Variants in TBCA observed in about 807,000 individuals in gnomAD.
TBCA encodes the protein tubulin folding cofactor A, also known as tubulin-specific chaperone A.
TBCA carries 6 observed loss-of-function variants against 15.8 expected under a neutral mutation model. The ratio of observed to expected loss-of-function variants is 0.38; its 90% confidence interval spans 0.21 to 0.75. The LOEUF is 0.75. Among genes scored for constraint, TBCA ranks in the 30% least tolerant of loss-of-function variants. The pLI is 0.46. For synonymous variants in TBCA, 32 were observed against 42.3 expected (o/e 0.76, Z 0.94); for missense variants, 90 against 131.2 (o/e 0.69, Z 1.53).
intron 1 of TBCA, among the ~76,000 whole-genome samples, chr5:77,767,103 T>C (rs1475051353): frequency 2.0e-5 from 3 of 152,200 alleles, no homozygotes; most frequent in Admixed American, 6.5e-5. Context: ...GTAATGTAAG[T>C]TCAAATACAC....
Position 77,725,815 on chromosome 5 carries a change from G to C in TBCA, c.54-17468C>G, listed in dbSNP as rs562873647. On this transcript the variant is annotated intron_variant, in intron 1 of 3. Coordinates refer to ENST00000380377, the MANE Select transcript of TBCA (RefSeq NM_004607.3). Reference sequence around the variant, plus strand: ...AGTGTCTTAAGGCTCCTTGAGATGAGTTATATTGCAGATACAGTTGTGTTT... The same window carrying C: ...AGTGTCTTAAGGCTCCTTGAGATGACTTATATTGCAGATACAGTTGTGTTT... 2.8e-4 allele frequency among the ~76,000 whole-genome samples: 42 copies of C among 151,898 alleles called. 1 individual carries two copies. The South Asian group carries it at 7.2e-3, about 26-fold the overall frequency.
chr5:77,740,513 G>A (rs1291640937), intron 1 of TBCA, among the ~76,000 whole-genome samples: 4 of 152,200 alleles, frequency 2.6e-5, no homozygotes, highest in Non-Finnish European at 5.9e-5. Flanking sequence ...AGATAACTGG[G>A]TAGGTGGTAG....
chr5:77,738,390 A>G (rs1746958357), intron 1 of TBCA, among the ~76,000 whole-genome samples: 1 of 152,134 alleles, frequency 6.6e-6, no homozygotes, highest in Non-Finnish European at 1.5e-5. Context: ...TTGCCCCCTG[A>G]CCCTCAGTTT....
intron 1 of TBCA, among the ~76,000 whole-genome samples, chr5:77,747,126 TCATA>T (rs1019986491): frequency 1.1e-3 from 169 of 152,126 alleles, no homozygotes; most frequent in African/African-American, 4.0e-3. Context: ...TCCTCCTTCC[TCATA>T]CATACATACA....
chr5:77,754,409 G>A lies in TBCA; in HGVS notation c.53+21796C>T, dbSNP rs1046890847. On this transcript the variant is annotated intron_variant, in intron 1 of 3. Coordinates refer to ENST00000380377, the MANE Select transcript of TBCA (RefSeq NM_004607.3). ...TTTTTAGAATGTTTTCCTACAATGC[G>A]TTTTTTAAATTGAAAAATATCCAGA... 1.3e-3 allele frequency among the ~76,000 whole-genome samples: 203 copies of A among 152,112 alleles called. 4 individuals are homozygous for A. The highest frequency in any genetic ancestry group is 4.5e-3 in the African/African-American group (187 of 41,482).
chr5:77,763,221 G>A (rs895966891), intron 1 of TBCA, among the ~76,000 whole-genome samples: 2 of 152,048 alleles, frequency 1.3e-5, no homozygotes, highest in African/African-American at 4.8e-5. Context: ...TCCTGCCTGG[G>A]CGACAGAGCA....
intron 1 of TBCA, among the ~76,000 whole-genome samples, chr5:77,711,653 A>T (rs538030620): frequency 1.3e-5 from 2 of 152,330 alleles, no homozygotes; most frequent in African/African-American, 4.8e-5. Context: ...AAAATTGAGC[A>T]ATAAGAACAA....
At chr5:77,746,495 C>T (rs1747190389) in intron 1 of TBCA, among the ~76,000 whole-genome samples, 1 of 152,150 alleles carries the variant, frequency 6.6e-6, no homozygotes, top group Non-Finnish European at 1.5e-5. Context: ...CCTAGCAAAA[C>T]TGCAATGCCC....
intron 3 of TBCA, chr5:77,692,686 C>T (rs1745780898): frequency 1.0e-6 from 1 of 985,662 alleles, no homozygotes. Context: ...AATGATGCTT[C>T]CTGTCTTAGA....
At chr5:77,714,074 C>T (rs1486850902) in intron 1 of TBCA, among the ~76,000 whole-genome samples, 1 of 150,768 alleles carries the variant, frequency 6.6e-6, no homozygotes, top group Admixed American at 6.6e-5. Flanking sequence ...AATCCCAGCA[C>T]TTCTGGGAGG....
At chr5:77,726,230 G>A (rs985876182) in intron 1 of TBCA, among the ~76,000 whole-genome samples, 1 of 152,210 alleles carries the variant, frequency 6.6e-6, no homozygotes, top group Non-Finnish European at 1.5e-5. Context: ...AAAGGAAGCA[G>A]TGGCAATGCT....
At chr5:77,699,033 CAAAAAA>C (rs71608119) in intron 2 of TBCA, among the ~76,000 whole-genome samples, 63 of 70,082 alleles carry the variant, frequency 9.0e-4, no homozygotes, top group African/African-American at 2.4e-3. Flanking sequence ...GCAAGAGCAT[CAAAAAA>C]AAAAAAAAAA....
At chr5:77,771,444 CTT>C (rs1407230023) in intron 1 of TBCA, among the ~76,000 whole-genome samples, 3 of 152,174 alleles carry the variant, frequency 2.0e-5, no homozygotes, top group East Asian at 1.9e-4. Flanking sequence ...ACCTCTCTCT[CTT>C]GAAACTCACT....
At chr5:77,717,140 T>C (rs1746415814) in intron 1 of TBCA, among the ~76,000 whole-genome samples, 1 of 152,238 alleles carries the variant, frequency 6.6e-6, no homozygotes, top group Admixed American at 6.5e-5. Context: ...TCTTTGATGA[T>C]GGTACTGAAT....
At chr5:77,744,176 T>C (rs1268964314) in intron 1 of TBCA, among the ~76,000 whole-genome samples, 4 of 152,080 alleles carry the variant, frequency 2.6e-5, no homozygotes, top group Non-Finnish European at 4.4e-5. Context: ...CTCTATTCAA[T>C]CTCAAGATCC....
intron 1 of TBCA, among the ~76,000 whole-genome samples, chr5:77,721,909 T>C (rs1465664995): frequency 2.6e-5 from 4 of 152,122 alleles, no homozygotes; most frequent in African/African-American, 9.7e-5. Context: ...GTAAACATTA[T>C]TTTAAAATGT....
At chr5:77,743,767 C>T (rs1747104434) in intron 1 of TBCA, among the ~76,000 whole-genome samples, 1 of 152,116 alleles carries the variant, frequency 6.6e-6, no homozygotes, top group African/African-American at 2.4e-5. Context: ...TTCTCATGAC[C>T]ACCACAACCT....
chr5:77,722,004 CA>C (rs1446963386), intron 1 of TBCA, among the ~76,000 whole-genome samples: 1 of 151,936 alleles, frequency 6.6e-6, no homozygotes, highest in Non-Finnish European at 1.5e-5. Flanking sequence ...CTTTATCTCA[CA>C]AAAACAGAAA....
At chr5:77,707,095 T>C (rs766853629) in intron 2 of TBCA, among the ~76,000 whole-genome samples, 9 of 151,902 alleles carry the variant, frequency 5.9e-5, no homozygotes, top group Non-Finnish European at 1.0e-4. Context: ...TGGTAACTTG[T>C]GTCAGATGCT....
Sources: allele counts gnomAD v4.1 joint callset (sites outside exome capture counted in the v4.1 genomes callset), GRCh38; gene constraint gnomAD v4.1.1; transcripts MANE v1.5; gene names NCBI Gene and HGNC (gene_info 2026-07-23, HGNC 2026-07-21).